The following XKR9 variants were observed in gnomAD, a reference collection of about 807,000 sequenced individuals.
The protein encoded by XKR9 is XK-related protein 9.
A neutral mutation model predicts 32.0 loss-of-function variants in XKR9; 32 were observed. That is an observed-to-expected ratio of 1.00 (90% CI 0.76 to 1.34). The LOEUF (loss-of-function observed/expected upper bound fraction) is 1.34, where lower values mean the gene tolerates loss of function less well. XKR9 is among the 40% of genes most tolerant of loss of function. The pLI is 0.00. For synonymous variants in XKR9, 168 were observed against 143.4 expected (o/e 1.17, Z -1.22); for missense variants, 546 against 429.7 (o/e 1.27, Z -2.39).
chr8:70,726,440 A>G (rs1806472744), intron 4 of XKR9, among the ~76,000 whole-genome samples: 1 of 152,384 alleles, frequency 6.6e-6, no homozygotes, highest in Non-Finnish European at 1.5e-5. Context: ...TTCTGAATGA[A>G]AAATTACAGT....
the XKR9 span, among the ~76,000 whole-genome samples, chr8:70,893,272 A>G: frequency 6.6e-6 from 1 of 151,732 alleles, no homozygotes. Context: ...GTTCATCTGT[A>G]TTTTCTTATA....
the XKR9 span, among the ~76,000 whole-genome samples, chr8:70,842,776 C>T: frequency 6.6e-6 from 1 of 152,314 alleles, no homozygotes; most frequent in East Asian, 1.9e-4. Context: ...CTAGCTGAAA[C>T]AGGGCTGCCC....
At chr8:70,794,727 G>A (rs1190839016), downstream of XKR9, among the ~76,000 whole-genome samples, 2 of 151,518 alleles carry the variant, frequency 1.3e-5, no homozygotes, top group African/African-American at 4.9e-5. Flanking sequence ...CTTATATGGT[G>A]TCTACTCCTT....
chr8:70,810,625 G>T, the XKR9 span, among the ~76,000 whole-genome samples: 1 of 152,136 alleles, frequency 6.6e-6, no homozygotes, highest in African/African-American at 2.4e-5. Context: ...ACAAAAAAAG[G>T]CAGGGGTTGT....
intron 2 of XKR9, among the ~76,000 whole-genome samples, chr8:70,747,890 T>C (rs971978967): frequency 2.0e-5 from 3 of 152,296 alleles, no homozygotes; most frequent in South Asian, 2.1e-4. Context: ...AAGAATTACA[T>C]ATTTAATAAT....
chr8:70,883,674 A>C, the XKR9 span, among the ~76,000 whole-genome samples: 1 of 152,102 alleles, frequency 6.6e-6, no homozygotes, highest in South Asian at 2.1e-4. Flanking sequence ...TCACTTAGCT[A>C]TATGATTTAA....
chr8:70,950,182 T>C, the XKR9 span, among the ~76,000 whole-genome samples: 18 of 152,268 alleles, frequency 1.2e-4, no homozygotes, highest in African/African-American at 3.8e-4. Context: ...TGAGCAACAA[T>C]ATTTCCAGCT....
the XKR9 span, among the ~76,000 whole-genome samples, chr8:70,931,467 G>A: frequency 6.6e-6 from 1 of 152,200 alleles, no homozygotes; most frequent in Non-Finnish European, 1.5e-5. Flanking sequence ...AATGGATAAA[G>A]TGAGTAGCTA....
chr8:70,699,499 T>C (rs1230342819), intron 3 of XKR9, among the ~76,000 whole-genome samples: 1 of 152,162 alleles, frequency 6.6e-6, no homozygotes, highest in African/African-American at 2.4e-5. Flanking sequence ...TTCAGAATGT[T>C]GAATATTGGC....
chr8:70,827,187 A>C, the XKR9 span, among the ~76,000 whole-genome samples: 1 of 152,186 alleles, frequency 6.6e-6, no homozygotes, highest in African/African-American at 2.4e-5. Context: ...ATTTATATAT[A>C]TAGTGTTATA....
the XKR9 span, among the ~76,000 whole-genome samples, chr8:70,882,610 G>A: frequency 2.0e-5 from 3 of 151,742 alleles, no homozygotes; most frequent in African/African-American, 7.3e-5. Context: ...TGACTTTTCA[G>A]AGCAATTTTA....
the XKR9 span, among the ~76,000 whole-genome samples, chr8:71,052,939 A>G: frequency 6.6e-6 from 1 of 152,232 alleles, no homozygotes; most frequent in Non-Finnish European, 1.5e-5. Flanking sequence ...TCACACAGCC[A>G]GCCTTGACTG....
At chr8:70,997,275 C>A in the XKR9 span, among the ~76,000 whole-genome samples, 1 of 151,508 alleles carries the variant, frequency 6.6e-6, no homozygotes, top group Non-Finnish European at 1.5e-5. Flanking sequence ...CCAACCTGGG[C>A]GACAAGGGTG....
intron 3 of XKR9, among the ~76,000 whole-genome samples, chr8:70,688,121 A>G (rs1001424331): frequency 6.6e-6 from 1 of 152,234 alleles, no homozygotes; most frequent in Non-Finnish European, 1.5e-5. Context: ...ATGCCCTACC[A>G]TGGCACATGA....
At chr8:70,936,026 G>C in the XKR9 span, among the ~76,000 whole-genome samples, 1 of 151,882 alleles carries the variant, frequency 6.6e-6, no homozygotes, top group Admixed American at 6.6e-5. Flanking sequence ...TTTAGAATAA[G>C]TTATGGGGTC....
the XKR9 span, among the ~76,000 whole-genome samples, chr8:71,023,218 T>C: frequency 6.6e-6 from 1 of 152,196 alleles, no homozygotes; most frequent in African/African-American, 2.4e-5. Flanking sequence ...TCTGCACATC[T>C]GGTATAATAG....
chr8:70,938,014 G>C, the XKR9 span, among the ~76,000 whole-genome samples: 2 of 152,060 alleles, frequency 1.3e-5, no homozygotes, highest in Non-Finnish European at 2.9e-5. Context: ...TCTTGTTGGG[G>C]ACATGAGACT....
At chr8:70,845,625 A>G in the XKR9 span, among the ~76,000 whole-genome samples, 1 of 152,208 alleles carries the variant, frequency 6.6e-6, no homozygotes, top group Non-Finnish European at 1.5e-5. Flanking sequence ...CCTGGAAAAG[A>G]AGAATTCAAT....
At chr8:70,755,402 T>TTAC (rs1419578304) in intron 2 of XKR9, among the ~76,000 whole-genome samples, 5 of 152,194 alleles carry the variant, frequency 3.3e-5, no homozygotes, top group African/African-American at 4.8e-5. Flanking sequence ...AGCCACCTCA[T>TTAC]TACTGGGTAT....
Sources: allele counts gnomAD v4.1 joint callset (sites outside exome capture counted in the v4.1 genomes callset), GRCh38; gene constraint gnomAD v4.1.1; transcripts MANE v1.5; gene names NCBI Gene and HGNC (gene_info 2026-07-23, HGNC 2026-07-21).